The following IGSF21 variants were observed in gnomAD, a reference collection of about 807,000 sequenced individuals.
The protein encoded by IGSF21 is immunoglobulin superfamily member 21.
Under a neutral mutation model 46.8 loss-of-function variants are expected in IGSF21, and 28 were observed. The observed-to-expected ratio is 0.60, with a 90% CI of 0.44 to 0.82. The LOEUF (loss-of-function observed/expected upper bound fraction) is 0.82. Among genes scored for constraint, IGSF21 ranks in the 40% least tolerant of loss-of-function variants. The probability of loss-of-function intolerance (pLI) is 0.00; values close to 1 mark genes in which losing one functional copy is unlikely to be tolerated. For synonymous variants in IGSF21, 284 were observed against 273.6 expected (o/e 1.04, Z -0.38); for missense variants, 624 against 665.5 (o/e 0.94, Z 0.69).
chr1:18,351,971 G>A (rs777080163), intron 4 of IGSF21, among the ~76,000 whole-genome samples: 13 of 152,206 alleles, frequency 8.5e-5, no homozygotes, highest in Admixed American at 1.3e-4. Flanking sequence ...GATCTGCATG[G>A]GCCTAGAGGC....
At chr1:18,247,745 A>C (rs2084799013) in intron 2 of IGSF21, among the ~76,000 whole-genome samples, 1 of 152,150 alleles carries the variant, frequency 6.6e-6, no homozygotes, top group Non-Finnish European at 1.5e-5. Context: ...ACACTTACAT[A>C]TATCAGCTTA....
chr1:18,315,928 G>A (rs1056404562), intron 3 of IGSF21, among the ~76,000 whole-genome samples: 1 of 152,134 alleles, frequency 6.6e-6, no homozygotes, highest in Non-Finnish European at 1.5e-5. Context: ...TGTGCTGAAG[G>A]TTTAATGAGA....
At chr1:18,155,626 C>T (rs556170085) in intron 1 of IGSF21, among the ~76,000 whole-genome samples, 2 of 152,358 alleles carry the variant, frequency 1.3e-5, no homozygotes, top group Admixed American at 6.5e-5. Flanking sequence ...AACAGAGGGA[C>T]TCAGCCCCTC....
At chr1:18,343,298 T>C (rs1056469803) in intron 4 of IGSF21, among the ~76,000 whole-genome samples, 5 of 152,222 alleles carry the variant, frequency 3.3e-5, no homozygotes, top group African/African-American at 1.2e-4. Context: ...GCCTTATTTT[T>C]CTTTTTATGA....
chr1:18,253,381 G>A (rs2084860843), intron 2 of IGSF21, among the ~76,000 whole-genome samples: 2 of 152,202 alleles, frequency 1.3e-5, no homozygotes, highest in South Asian at 4.1e-4. Context: ...GAGCAGGGGA[G>A]CCAATGCACA....
At chr1:18,339,601 T>A (rs572529280) in intron 4 of IGSF21, among the ~76,000 whole-genome samples, 1 of 152,172 alleles carries the variant, frequency 6.6e-6, no homozygotes, top group East Asian at 1.9e-4. Context: ...GGTATGTGCC[T>A]GTAGTCCCAG....
chr1:18,247,503 G>C (rs1040272034), intron 2 of IGSF21, among the ~76,000 whole-genome samples: 5 of 152,242 alleles, frequency 3.3e-5, no homozygotes, highest in African/African-American at 1.2e-4. Context: ...AGTGGCAGGA[G>C]AGTGCCCAGC....
intron 1 of IGSF21, among the ~76,000 whole-genome samples, chr1:18,215,257 A>G (rs886211666): frequency 1.3e-5 from 2 of 152,236 alleles, no homozygotes; most frequent in Non-Finnish European, 2.9e-5. Context: ...TCATAGATTC[A>G]TGGATTCATT....
intron 1 of IGSF21, among the ~76,000 whole-genome samples, chr1:18,144,277 G>A (rs1570264493): frequency 6.6e-6 from 1 of 152,108 alleles, no homozygotes; most frequent in Non-Finnish European, 1.5e-5. Flanking sequence ...AGCCTCAGTC[G>A]AGTTGGAAGG....
intron 2 of IGSF21, among the ~76,000 whole-genome samples, chr1:18,286,603 G>A (rs891083498): frequency 6.6e-6 from 1 of 152,224 alleles, no homozygotes; most frequent in Non-Finnish European, 1.5e-5. Flanking sequence ...TCCTTTTGGA[G>A]CCTCACATCG....
At chr1:18,220,780 G>C (rs1308018117) in intron 1 of IGSF21, among the ~76,000 whole-genome samples, 2 of 152,144 alleles carry the variant, frequency 1.3e-5, no homozygotes, top group Non-Finnish European at 2.9e-5. Context: ...TGAGGGAGAG[G>C]GCTTAGGGCA....
At chr1:18,167,239 T>A (rs1173196944) in intron 1 of IGSF21, among the ~76,000 whole-genome samples, 1 of 152,030 alleles carries the variant, frequency 6.6e-6, no homozygotes, top group Non-Finnish European at 1.5e-5. Flanking sequence ...ATCAGAGACA[T>A]CCCCAAGAAG....
Position 18,273,509 on chromosome 1 carries a change from T to TTTCTTTCTTTCC in IGSF21, c.184-18346_184-18345insCTTCTTTCTTTC, listed in dbSNP as rs1298588613. Among the ~76,000 whole-genome samples the TTTCTTTCTTTCC allele has an allele frequency of 2.8e-4, 30 of 105,820 alleles. 3 individuals carry two copies. Among genetic ancestry groups the TTTCTTTCTTTCC allele is most frequent in the African/African-American group, 1.1e-3 (27 of 23,914 alleles). The allele number at this position is 105,820 out of a possible 152,430, so 69.4% of individuals were successfully genotyped here. On this transcript the variant is annotated intron_variant, in intron 2 of 9. Coordinates refer to ENST00000251296, the MANE Select transcript of IGSF21 (RefSeq NM_032880.5). ...CTTTCTTTCTTTCTTTCTTTCTTTC[T>TTTCTTTCTTTCC]TTCTTTCTTTCGTCTTTCTTTACTT...
At chr1:18,372,257 G>A (rs1437727096) in intron 6 of IGSF21, among the ~76,000 whole-genome samples, 1 of 152,190 alleles carries the variant, frequency 6.6e-6, no homozygotes, top group East Asian at 1.9e-4. Context: ...GTAAGGCAGT[G>A]CATACAAAGT....
At chr1:18,223,359 C>A (rs2084529513) in intron 1 of IGSF21, among the ~76,000 whole-genome samples, 1 of 152,234 alleles carries the variant, frequency 6.6e-6, no homozygotes, top group Non-Finnish European at 1.5e-5. Flanking sequence ...CTGGGGGATA[C>A]CACCCAGAAT....
At chr1:18,246,648 A>C (rs2084787072) in intron 2 of IGSF21, among the ~76,000 whole-genome samples, 2 of 152,134 alleles carry the variant, frequency 1.3e-5, no homozygotes, top group South Asian at 4.2e-4. Context: ...GTAATCTCCA[A>C]ACTCCATGCT....
intron 1 of IGSF21, among the ~76,000 whole-genome samples, chr1:18,135,516 G>T (rs543620424): frequency 8.6e-5 from 13 of 151,406 alleles, no homozygotes; most frequent in Admixed American, 6.6e-4. Flanking sequence ...GCGGTGTTTG[G>T]TTTTTTGTCC....
chr1:18,258,176 C>T (rs796864605), intron 2 of IGSF21, among the ~76,000 whole-genome samples: 7 of 152,260 alleles, frequency 4.6e-5, no homozygotes, highest in African/African-American at 1.7e-4. Context: ...CAAGCAAAGA[C>T]AGAAGGGATG....
intron 1 of IGSF21, among the ~76,000 whole-genome samples, chr1:18,154,186 T>A (rs1366922533): frequency 6.6e-6 from 1 of 152,166 alleles, no homozygotes; most frequent in African/African-American, 2.4e-5. Flanking sequence ...CCTGGGCTGA[T>A]GCGCTCATTT....
Sources: allele counts gnomAD v4.1 joint callset (sites outside exome capture counted in the v4.1 genomes callset), GRCh38; gene constraint gnomAD v4.1.1; transcripts MANE v1.5; gene names NCBI Gene and HGNC (gene_info 2026-07-23, HGNC 2026-07-21).